The following DNAH7 variants were observed in gnomAD, a reference collection of about 807,000 sequenced individuals.
DNAH7 encodes the protein axonemal beta dynein heavy chain 7.
In DNAH7, 397 loss-of-function variants were observed where a neutral mutation model predicts 444.6. The observed-to-expected ratio is 0.89, with a 90% CI of 0.82 to 0.97. DNAH7 has a LOEUF of 0.97. DNAH7 is among the 50% of genes least tolerant of loss of function. The pLI is 0.00. For missense variants in DNAH7, 4,902 were observed against 4,800.8 expected, an observed-to-expected ratio of 1.02 and a Z score of -0.62; for synonymous variants, 1,636 against 1,624.4, an observed-to-expected ratio of 1.01 and a Z score of -0.17.
intron 19 of DNAH7, among the ~76,000 whole-genome samples, chr2:195,956,654 A>G (rs1242822817): frequency 1.1e-4 from 16 of 151,612 alleles, no homozygotes; most frequent in Admixed American, 2.0e-4. Context: ...CTGTCTCAAA[A>G]AAAAAAAAAA....
chr2:196,062,470 C>T (rs1230377762), intron 1 of DNAH7, among the ~76,000 whole-genome samples: 1 of 152,206 alleles, frequency 6.6e-6, no homozygotes, highest in African/African-American at 2.4e-5. Flanking sequence ...TTAGTAATCT[C>T]AGACATTGAA....
chr2:195,827,744 A>C (rs904962139), intron 48 of DNAH7, among the ~76,000 whole-genome samples: 1 of 150,024 alleles, frequency 6.7e-6, no homozygotes, highest in Non-Finnish European at 1.5e-5. Flanking sequence ...AGGCTCAGCT[A>C]ATTTTTTTTT....
intron 36 of DNAH7, among the ~76,000 whole-genome samples, chr2:195,877,260 T>C (rs1218875023): frequency 6.6e-6 from 1 of 152,118 alleles, no homozygotes; most frequent in Non-Finnish European, 1.5e-5. Flanking sequence ...TTCTTCCCCT[T>C]CCCTCCCTCA....
chr2:195,929,090 G>A (rs1207590836), intron 21 of DNAH7, among the ~76,000 whole-genome samples: 1 of 152,032 alleles, frequency 6.6e-6, no homozygotes, highest in Non-Finnish European at 1.5e-5. Flanking sequence ...TGTTCAAGCT[G>A]AGAGCCAAAT....
At chr2:195,742,437 T>C (rs1474920889) in intron 63 of DNAH7, among the ~76,000 whole-genome samples, 1 of 152,170 alleles carries the variant, frequency 6.6e-6, no homozygotes, top group Admixed American at 6.5e-5. Flanking sequence ...GATAATATAA[T>C]AGAAAGTAAA....
At chr2:195,757,794 T>C (rs1421298080) in intron 61 of DNAH7, among the ~76,000 whole-genome samples, 1 of 152,224 alleles carries the variant, frequency 6.6e-6, no homozygotes, top group Non-Finnish European at 1.5e-5. Context: ...ATCTTGGGAA[T>C]GAATGTCATA....
chr2:195,833,158 G>A (rs1698154692), intron 48 of DNAH7, among the ~76,000 whole-genome samples: 1 of 152,102 alleles, frequency 6.6e-6, no homozygotes, highest in East Asian at 1.9e-4. Flanking sequence ...TGTTAAACAG[G>A]CAAAATATTT....
At chr2:195,768,555 T>C (rs1694693866) in intron 61 of DNAH7, among the ~76,000 whole-genome samples, 2 of 151,974 alleles carry the variant, frequency 1.3e-5, no homozygotes, top group African/African-American at 4.8e-5. Flanking sequence ...TATCTATATA[T>C]ATATATTTAG....
At chr2:196,053,741 C>T (rs1697631935) in intron 2 of DNAH7, among the ~76,000 whole-genome samples, 2 of 152,194 alleles carry the variant, frequency 1.3e-5, no homozygotes, top group South Asian at 4.1e-4. Flanking sequence ...TTCTTGGTGT[C>T]CAAAGCCTTC....
intron 61 of DNAH7, among the ~76,000 whole-genome samples, chr2:195,765,646 T>C (rs1433652615): frequency 6.6e-6 from 1 of 152,162 alleles, no homozygotes; most frequent in Non-Finnish European, 1.5e-5. Flanking sequence ...TCACTGATCA[T>C]CAGAGAAACC....
At chr2:195,767,465 T>C (rs1380133669) in intron 61 of DNAH7, among the ~76,000 whole-genome samples, 3 of 152,056 alleles carry the variant, frequency 2.0e-5, no homozygotes, top group Admixed American at 1.3e-4. Flanking sequence ...TGTTCGACAC[T>C]TCTATACCTT....
intron 46 of DNAH7, among the ~76,000 whole-genome samples, chr2:195,847,061 T>A (rs1032629773): frequency 2.2e-5 from 3 of 134,388 alleles, no homozygotes; most frequent in Non-Finnish European, 4.8e-5. Flanking sequence ...TAAACTCCCA[T>A]ATATATATAT....
intron 24 of DNAH7, among the ~76,000 whole-genome samples, chr2:195,912,374 T>A (rs1052716206): frequency 6.6e-6 from 1 of 152,128 alleles, no homozygotes; most frequent in African/African-American, 2.4e-5. Context: ...GATGGCAGAA[T>A]GGGAGAAAAG....
intron 49 of DNAH7, among the ~76,000 whole-genome samples, chr2:195,823,185 ATT>A (rs1301691594): frequency 6.6e-6 from 1 of 152,200 alleles, no homozygotes; most frequent in Non-Finnish European, 1.5e-5. Flanking sequence ...TTGGATTTTA[ATT>A]AATTAAAAAT....
At chr2:195,908,216 TTTTC>T (rs1187894284) in intron 25 of DNAH7, among the ~76,000 whole-genome samples, 7 of 152,030 alleles carry the variant, frequency 4.6e-5, no homozygotes, top group Admixed American at 1.3e-4. Context: ...TTTGTTATTT[TTTTC>T]TTTCATTTAT....
chr2:195,922,067 T>C (rs535981096), intron 24 of DNAH7, 21 bp downstream of exon 24: 2 of 1,380,082 alleles, frequency 1.4e-6, no homozygotes, highest in South Asian at 2.3e-5. Flanking sequence ...TTCCAATAGA[T>C]CCTTAAATTA....
chr2:195,888,722 A>C, intron 32 of DNAH7, 77 bp downstream of exon 32: 5 of 1,420,422 alleles, frequency 3.5e-6, no homozygotes, highest in Non-Finnish European at 4.7e-6. Context: ...TTTTGTTTAA[A>C]GTCAAAGGTA....
rs776073342 is a variant in DNAH7, at chr2:195,926,538, G to T, written c.3500C>A (p.Thr1167Lys). Reference sequence around the variant, plus strand: ...TACCCAGTTAATTCGTTCATATTTTGTATAGGCAAAAGTTGCATCTCCAGT... The same window carrying T: ...TACCCAGTTAATTCGTTCATATTTTTTATAGGCAAAAGTTGCATCTCCAGT... ...KVTGDATFAY[T>K]KYERINWVRD... The change falls in exon 22 of 65, where the codon ACA becomes AAA. Residue 1167 changes from threonine (T) to lysine (K), a missense_variant. By Grantham distance (78) the Thr-to-Lys change is moderately conservative (BLOSUM62 -1). Coordinates refer to ENST00000312428, the MANE Select transcript of DNAH7 (RefSeq NM_018897.3). 3.7e-6 allele frequency: 6 copies of T among 1,600,360 alleles called. No individual in the cohort carries two copies. Among genetic ancestry groups the T allele is most frequent in the Non-Finnish European group, 5.1e-6 (6 of 1,174,702 alleles).
intron 25 of DNAH7, 88 bp downstream of exon 25, chr2:195,909,939 C>T (rs1687255926): frequency 7.6e-7 from 1 of 1,310,040 alleles, no homozygotes; most frequent in South Asian, 1.6e-5. Context: ...TACAGTAAAT[C>T]TTTTACTTGT....
Sources: allele counts gnomAD v4.1 joint callset (sites outside exome capture counted in the v4.1 genomes callset), GRCh38; gene constraint gnomAD v4.1.1; transcripts MANE v1.5; gene names NCBI Gene and HGNC (gene_info 2026-07-23, HGNC 2026-07-21).